The following NRXN3 variants were observed in gnomAD, a reference collection of about 807,000 sequenced individuals.
NRXN3 encodes the protein neurexin 3.
In NRXN3, 32 loss-of-function variants were observed where a neutral mutation model predicts 137.6. The ratio of observed to expected loss-of-function variants is 0.23; its 90% CI spans 0.18 to 0.31. The LOEUF is 0.31. NRXN3 is among the 10% of genes least tolerant of loss of function. The pLI is 1.00. For synonymous variants in NRXN3, 798 were observed against 784.5 expected (o/e 1.02, Z -0.29); for missense variants, 1,574 against 2,062.5 (o/e 0.76, Z 4.59).
chr14:78,775,247 T>C (rs1479275822), intron 8 of NRXN3, among the ~76,000 whole-genome samples: 2 of 152,196 alleles, frequency 1.3e-5, no homozygotes, highest in African/African-American at 2.4e-5. Context: ...AGGGGTGTGG[T>C]GTGTACATAT....
chr14:78,420,462 T>C (rs2093395510), intron 4 of NRXN3, among the ~76,000 whole-genome samples: 1 of 152,186 alleles, frequency 6.6e-6, no homozygotes, highest in African/African-American at 2.4e-5. Flanking sequence ...ATCATGTTCC[T>C]CATCTGGGTT....
chr14:79,493,236 G>A (rs2096734192), intron 16 of NRXN3, among the ~76,000 whole-genome samples: 1 of 152,178 alleles, frequency 6.6e-6, no homozygotes, highest in Admixed American at 6.5e-5. Flanking sequence ...AGAAAGTGCT[G>A]GGGCTTTAGG....
intron 16 of NRXN3, among the ~76,000 whole-genome samples, chr14:79,499,123 A>G (rs2096795385): frequency 6.6e-6 from 1 of 152,142 alleles, no homozygotes; most frequent in Admixed American, 6.5e-5. Context: ...ACCACCCCCA[A>G]TTAAAATCCT....
intron 19 of NRXN3, among the ~76,000 whole-genome samples, chr14:79,721,483 A>C (rs2098844392): frequency 6.6e-6 from 1 of 152,164 alleles, no homozygotes; most frequent in Non-Finnish European, 1.5e-5. Flanking sequence ...TAACAAGAGC[A>C]CTGTATCTTT....
intron 4 of NRXN3, among the ~76,000 whole-genome samples, chr14:78,456,698 G>A (rs563916843): frequency 5.4e-4 from 82 of 152,056 alleles, no homozygotes; most frequent in Non-Finnish European, 1.1e-3. Context: ...GCCCATGGGA[G>A]GGTCCCCTCT....
At chr14:78,957,598 C>G (rs554147780) in intron 11 of NRXN3, among the ~76,000 whole-genome samples, 2 of 152,284 alleles carry the variant, frequency 1.3e-5, no homozygotes, top group East Asian at 3.9e-4. Flanking sequence ...TTATGGGTCT[C>G]TCTCCTTAGG....
At chr14:78,249,273 G>C (rs2068209684) in intron 2 of NRXN3, among the ~76,000 whole-genome samples, 2 of 152,224 alleles carry the variant, frequency 1.3e-5, no homozygotes, top group Non-Finnish European at 2.9e-5. Context: ...ATTCAGCAAG[G>C]CTGAGGGTCA....
chr14:78,573,418 A>G (rs1354926320), intron 4 of NRXN3, among the ~76,000 whole-genome samples: 1 of 152,234 alleles, frequency 6.6e-6, no homozygotes, highest in Non-Finnish European at 1.5e-5. Flanking sequence ...GTCTTGTTGA[A>G]TGGCTTTGAC....
chr14:79,352,795 C>T (rs2093272292), intron 15 of NRXN3, among the ~76,000 whole-genome samples: 1 of 151,966 alleles, frequency 6.6e-6, no homozygotes, highest in Admixed American at 6.6e-5. Flanking sequence ...TTCCATTTTA[C>T]AAATGAAGTA....
At chr14:79,159,040 TG>T (rs1231507970) in intron 15 of NRXN3, among the ~76,000 whole-genome samples, 6 of 151,806 alleles carry the variant, frequency 4.0e-5, no homozygotes, top group Non-Finnish European at 8.8e-5. Flanking sequence ...TTTGTGTTTT[TG>T]TTTGTGGTTT....
rs148388804 is a variant in NRXN3, at chr14:78,206,717, A to G, written c.-703-35674A>G. ...CACAGACCCATCTTGAGGTCACTTC[A>G]TGGTCCCGTTTCATAACTGGCAGGG... On this transcript the variant is annotated intron_variant, in intron 1 of 20. Transcript: ENST00000335750. Among the ~76,000 whole-genome samples, 76 of 152,286 alleles carry G rather than the reference A, an allele frequency of 5.0e-4. No individual in the cohort carries two copies. In the South Asian group the frequency reaches 8.1e-3, roughly 16 times the overall value.
rs1324378127 is a variant in NRXN3, at chr14:79,756,500, A to C, written c.4015-48612A>C. On this transcript the variant is annotated intron_variant, in intron 19 of 20. Coordinates refer to ENST00000335750, the MANE Select transcript of NRXN3 (RefSeq NM_001330195.2). ...AAACTTAACTTGTCTTTTTACCATT[A>C]AATATATATTTGAAAAATGTGCTCT... Among the ~76,000 whole-genome samples the C allele has an allele frequency of 1.1e-3, 170 of 152,300 alleles. 1 individual carries two copies. The highest frequency in any genetic ancestry group is 1.5e-5 in the Non-Finnish European group (1 of 68,032).
chr14:78,812,242 C>A (rs2098916256), intron 10 of NRXN3, among the ~76,000 whole-genome samples: 1 of 152,038 alleles, frequency 6.6e-6, no homozygotes, highest in Non-Finnish European at 1.5e-5. Context: ...AATAAATATG[C>A]CTTTTTTGGA....
chr14:79,231,555 T>C (rs1385237982), intron 15 of NRXN3, among the ~76,000 whole-genome samples: 2 of 152,180 alleles, frequency 1.3e-5, no homozygotes, highest in Non-Finnish European at 2.9e-5. Flanking sequence ...AGGATGGCAA[T>C]GCTAATTTGT....
chr14:78,767,324 G>T (rs942121603), intron 8 of NRXN3, among the ~76,000 whole-genome samples: 2 of 152,292 alleles, frequency 1.3e-5, no homozygotes, highest in African/African-American at 4.8e-5. Context: ...AGGCAGTAAA[G>T]AAATACATTT....
intron 15 of NRXN3, among the ~76,000 whole-genome samples, chr14:79,297,120 A>G (rs542321879): frequency 2.0e-3 from 308 of 152,328 alleles, no homozygotes; most frequent in African/African-American, 7.2e-3. Context: ...CTCCTCAAGG[A>G]AATCCCCCTG....
chr14:79,402,815 C>T (rs1224015578), intron 15 of NRXN3, among the ~76,000 whole-genome samples: 1 of 152,138 alleles, frequency 6.6e-6, no homozygotes, highest in African/African-American at 2.4e-5. Flanking sequence ...GTGTGCTATG[C>T]TAGGTGCTGC....
chr14:79,277,770 C>A (rs1018350426), intron 15 of NRXN3, among the ~76,000 whole-genome samples: 11 of 152,192 alleles, frequency 7.2e-5, no homozygotes, highest in Admixed American at 4.6e-4. Flanking sequence ...CAAAAGTATG[C>A]AAGACCTTGT....
rs1047661385 is a variant in NRXN3, at chr14:79,168,349, T to C, written c.3262+180208T>C. ...AAAGTTGGTTGTTAGAGGGAGATAGTTGATATTCACATATTAGATCTCAAT... is the reference window on the plus strand; with the variant it reads ...AAAGTTGGTTGTTAGAGGGAGATAGCTGATATTCACATATTAGATCTCAAT... On this transcript the variant is annotated intron_variant, in intron 15 of 20. Coordinates refer to ENST00000335750, the MANE Select transcript of NRXN3 (RefSeq NM_001330195.2). Among the ~76,000 whole-genome samples the C allele has an allele frequency of 3.9e-5, 6 of 152,066 alleles. No homozygotes were observed. The South Asian group carries it at 6.2e-4, about 16-fold the overall frequency.
Sources: allele counts gnomAD v4.1 joint callset (sites outside exome capture counted in the v4.1 genomes callset), GRCh38; gene constraint gnomAD v4.1.1; transcripts MANE v1.5; gene names NCBI Gene and HGNC (gene_info 2026-07-23, HGNC 2026-07-21).